Variants in KIF1B observed in about 807,000 individuals in gnomAD.
The protein encoded by KIF1B is kinesin family member 1B.
Under a neutral mutation model 241.9 loss-of-function variants are expected in KIF1B, and 76 were observed. The ratio of observed to expected loss-of-function variants is 0.31; its 90% CI spans 0.26 to 0.38. KIF1B has a LOEUF of 0.38. KIF1B is among the 10% of genes least tolerant of loss of function. The probability of loss-of-function intolerance (pLI) is 1.00; values close to 1 mark genes in which losing one functional copy is unlikely to be tolerated. For synonymous variants in KIF1B, 750 were observed against 796.7 expected (o/e 0.94, Z 0.99); for missense variants, 1,622 against 2,271.4 (o/e 0.71, Z 5.81).
Position 10,377,951 on chromosome 1 carries a change from T to C in KIF1B, c.*1364T>C, listed in dbSNP as rs974526256. ...ACTCTGCCTCAGAAAAAAAAAAAAA[T>C]AATAATGCTGGGTAGTGACCTTGTG... is the stretch of plus-strand genomic sequence containing the variant. On this transcript the variant is annotated 3_prime_UTR_variant, in exon 49 of 49. Transcript: ENST00000676179. The C allele has an allele frequency of 4.5e-6, 1 of 220,006 alleles. No homozygotes were observed. Among genetic ancestry groups the C allele is most frequent in the East Asian group, 7.0e-5 (1 of 14,266 alleles). The allele number at this position is 220,006 out of a possible 1,614,324, so 13.6% of individuals were successfully genotyped here.
chr1:10,330,479 T>A (rs932996153), intron 27 of KIF1B, among the ~76,000 whole-genome samples: 13 of 145,952 alleles, frequency 8.9e-5, no homozygotes, highest in Admixed American at 6.8e-4. Flanking sequence ...AAGCTTTCTT[T>A]AAAAAAAAAA....
In KIF1B at chr1:10,303,530, G is replaced by A. The variant is rs1009813864; in HGVS notation, c.2115+6284G>A. 5.6e-6 allele frequency: 9 copies of A among 1,614,058 alleles called. No homozygotes were observed. Among genetic ancestry groups the A allele is most frequent in the South Asian group, 3.3e-5 (3 of 91,078 alleles). ...TATGGCAAGAAAGACCCCAATGAGC[G>A]GGACTCCTGGAGGGCAGTGGCCAGG... On this transcript the variant is annotated intron_variant, in intron 22 of 48. Transcript: ENST00000676179. The surrounding 1 kb of genome is among the most constrained non-coding windows in gnomAD (Gnocchi z 5.2).
intron 2 of KIF1B, among the ~76,000 whole-genome samples, chr1:10,252,991 C>T (rs986312247): frequency 2.0e-5 from 3 of 152,248 alleles, no homozygotes; most frequent in Admixed American, 2.0e-4. Flanking sequence ...TCCCAAAGTA[C>T]TGGGATTACA....
At chr1:10,287,984 C>T (rs912963) in intron 15 of KIF1B, among the ~76,000 whole-genome samples, 58,370 of 151,954 alleles carry the variant, frequency 0.38, 11,488 homozygotes, top group African/African-American at 0.46. Flanking sequence ...GTTGTCCTGT[C>T]TGTTGAAGGT....
Position 10,378,291 on chromosome 1 carries a change from G to A in KIF1B, c.*1704G>A. ...CATCTGGTGTGGAAACACTGCCCAG[G>A]GAGAAAGGAGGAAGCTCACTGTGGA... On this transcript the variant is annotated 3_prime_UTR_variant, in exon 49 of 49. Coordinates refer to ENST00000676179, the MANE Select transcript of KIF1B (RefSeq NM_001365951.3). 1 of 717,494 alleles carries A rather than the reference G, an allele frequency of 1.4e-6. No individual in the cohort carries two copies. Among genetic ancestry groups the A allele is most frequent in the East Asian group, 2.7e-5 (1 of 37,286 alleles). 44.4% of individuals were successfully genotyped at this position (717,494 alleles called of 1,614,324 possible). A position where few individuals can be genotyped will look rare whatever the true frequency, so the allele number is the denominator to read the frequency against.
chr1:10,369,647 G>C lies in KIF1B; in HGVS notation c.4824+1109G>C, dbSNP rs12724395. ...TTTTGTCTCTTAATGATAACGGACT[G>C]GGGGGCTGGCTGCGGTGGCTCATGC... On this transcript the variant is annotated intron_variant, in intron 44 of 48. Coordinates refer to ENST00000676179, the MANE Select transcript of KIF1B (RefSeq NM_001365951.3). Among the ~76,000 whole-genome samples the C allele has an allele frequency of 1.2e-3, 189 of 151,960 alleles. 1 individual carries two copies. The highest frequency in any genetic ancestry group is 1.7e-3 in the Non-Finnish European group (117 of 67,944).
At chr1:10,272,976 G>A in intron 9 of KIF1B, 38 bp from the exon 10 acceptor site, 2 of 1,524,126 alleles carry the variant, frequency 1.3e-6, no homozygotes, top group South Asian at 2.4e-5. Context: ...GGCTTATCCT[G>A]TGTTCTTATT....
rs368853792 is a variant in KIF1B at position 10,311,415 on chromosome 1, GTTGGCTAGGCTGGTC to G, written c.2116-8624_2116-8610del. Among the ~76,000 whole-genome samples, 166 of 151,308 alleles carry G rather than the reference GTTGGCTAGGCTGGTC, an allele frequency of 1.1e-3. 3 individuals carry two copies. In the East Asian group the frequency reaches 0.021, roughly 19 times the overall value. On this transcript the variant is annotated intron_variant, in intron 22 of 48. Transcript: ENST00000676179. ...GTAGAGACGGACGGGGTCTCACCAT[GTTGGCTAGGCTGGTC>G]TTGAACTCCTGACCTCAGGTGATCC...
chr1:10,322,437 A>G (rs1331380677), intron 24 of KIF1B, among the ~76,000 whole-genome samples: 1 of 152,234 alleles, frequency 6.6e-6, no homozygotes, highest in African/African-American at 2.4e-5. Flanking sequence ...GGGCATATGC[A>G]TAAAGCACTT....
chr1:10,335,289 A>G (rs112482805), intron 28 of KIF1B, among the ~76,000 whole-genome samples: 147 of 151,796 alleles, frequency 9.7e-4, no homozygotes, highest in Non-Finnish European at 9.0e-4. Context: ...GTGTCGCTCT[A>G]TTGCCCAGGC....
In KIF1B at chr1:10,360,910, C is replaced by T. The variant is rs753780102; in HGVS notation, c.4056-19C>T. ...TTTAGCTTCTTTTGGATGATTCCCT[C>T]TTGTCTTTCTGACCTTAGGACCTTC... On this transcript the variant is annotated intron_variant, in intron 38 of 48. Transcript: ENST00000676179. 6.5e-7 allele frequency: 1 copy of T among 1,543,592 alleles called. No individual in the cohort carries two copies. Among genetic ancestry groups the T allele is most frequent in the Non-Finnish European group, 9.0e-7 (1 of 1,115,986 alleles).
chr1:10,352,057 G>A (rs112143378), intron 37 of KIF1B, among the ~76,000 whole-genome samples: 4 of 146,214 alleles, frequency 2.7e-5, no homozygotes, highest in South Asian at 2.1e-4. Context: ...GGATTGGAAC[G>A]GGGAGGTGTG....
At position 10,378,118 on chromosome 1, in the gene KIF1B, G is replaced by A. The variant is rs1638934635; in HGVS notation, c.*1531G>A. 3.5e-6 allele frequency: 2 copies of A among 579,070 alleles called. No individual in the cohort carries two copies. The highest frequency in any genetic ancestry group is 1.9e-5 in the African/African-American group (1 of 53,514). The allele number at this position is 579,070 out of a possible 1,614,324, so 35.9% of individuals were successfully genotyped here. ...TGATGCTCTCTATACTCATAAATAA[G>A]CAAATGTGGCAGGCTTTGCTTTCTG... On this transcript the variant is annotated 3_prime_UTR_variant, in exon 49 of 49. Transcript: ENST00000676179.
At position 10,275,487 on chromosome 1, in the gene KIF1B, C is replaced by T. The variant is rs1060504381; in HGVS notation, c.942C>T (p.Leu314=). 1.9e-6 allele frequency: 3 copies of T among 1,578,038 alleles called. No homozygotes were observed. The highest frequency in any genetic ancestry group is 1.7e-6 in the Non-Finnish European group (2 of 1,147,378). The change falls in exon 11 of 49, where the codon CTC becomes CTT. Residue 314 remains leucine, a synonymous_variant. Transcript: ENST00000676179. ...IPYRDSVLTW[L]LRENLGGNSR... is the part of the protein sequence containing the mutation. ...ACAGGGATTCTGTACTTACTTGGCT[C>T]CTTCGAGAAAATTTAGGTATGTTGA... is the stretch of plus-strand genomic sequence containing the variant.
chr1:10,221,459 T>G (rs767261938), intron 1 of KIF1B, among the ~76,000 whole-genome samples: 1 of 152,070 alleles, frequency 6.6e-6, no homozygotes, highest in Non-Finnish European at 1.5e-5. Context: ...TAACTTTTAT[T>G]CAGAGTCAAA....
Position 10,339,905 on chromosome 1 carries a change from C to T in KIF1B, c.3513+46C>T, listed in dbSNP as rs1266661865. ...TGCCAAACATATGTTTTTCTGGTAC[C>T]TTGGCTTTCTCAGCCCGGGAAGGGT... On this transcript the variant is annotated intron_variant, in intron 32 of 48. Coordinates refer to ENST00000676179, the MANE Select transcript of KIF1B (RefSeq NM_001365951.3). The T allele has an allele frequency of 3.3e-6, 5 of 1,509,834 alleles. No individual in the cohort carries two copies. The East Asian group carries it at 9.0e-5, about 27-fold the overall frequency. 93.5% of individuals were successfully genotyped at this position (1,509,834 alleles called of 1,614,324 possible).
At chr1:10,369,972 G>C (rs1485884739) in intron 44 of KIF1B, among the ~76,000 whole-genome samples, 5 of 151,378 alleles carry the variant, frequency 3.3e-5, no homozygotes, top group African/African-American at 9.7e-5. Flanking sequence ...CAAAATAATG[G>C]GCCAGGCATG....
rs369473758 is a variant in KIF1B, at chr1:10,295,705, C to T, written c.1716C>T (p.Ser572=). 1.6e-4 allele frequency: 264 copies of T among 1,613,640 alleles called. No homozygotes were observed. Among genetic ancestry groups the T allele is most frequent in the Non-Finnish European group, 2.1e-4 (252 of 1,179,910 alleles). ...DAERRQDIVL[S]GAHIKEEHCI... is the part of the protein sequence containing the mutation. ...AGCGGCGCCAGGACATAGTGCTGAG[C>T]GGGGCTCACATTAAAGAAGAGCATT... is the stretch of plus-strand genomic sequence containing the variant. The change falls in exon 19 of 49, where the codon AGC becomes AGT. Residue 572 remains serine (S), a synonymous_variant. Transcript: ENST00000676179.
At chr1:10,349,624 T>G (rs568262487) in intron 37 of KIF1B, among the ~76,000 whole-genome samples, 30 of 135,474 alleles carry the variant, frequency 2.2e-4, no homozygotes, top group African/African-American at 4.4e-4. Flanking sequence ...AATTAGAGGG[T>G]TTTTTTTTTT....
Sources: allele counts gnomAD v4.1 joint callset (sites outside exome capture counted in the v4.1 genomes callset), GRCh38; gene constraint gnomAD v4.1.1; non-coding constraint Gnocchi (gnomAD v3.1); transcripts MANE v1.5; gene names NCBI Gene and HGNC (gene_info 2026-07-23, HGNC 2026-07-21).